Variants in TAFA2 observed in about 807,000 individuals in gnomAD.
The protein encoded by TAFA2 is TAFA chemokine like family member 2.
Under a neutral mutation model 18.8 loss-of-function variants are expected in TAFA2, and 7 were observed. The ratio of observed to expected loss-of-function variants is 0.37; its 90% CI spans 0.21 to 0.70. The LOEUF is 0.70. TAFA2 is among the 30% of genes least tolerant of loss of function. The probability of loss-of-function intolerance (pLI) is 0.53; values close to 1 mark genes in which losing one functional copy is unlikely to be tolerated. For synonymous variants in TAFA2, 60 were observed against 54.2 expected, an observed-to-expected ratio of 1.11 and a Z score of -0.47; for missense variants, 122 against 158.1, an observed-to-expected ratio of 0.77 and a Z score of 1.23.
intron 1 of TAFA2, among the ~76,000 whole-genome samples, chr12:61,904,741 C>A (rs767453328): frequency 1.3e-5 from 2 of 152,146 alleles, no homozygotes; most frequent in Non-Finnish European, 2.9e-5. Flanking sequence ...AATTTAGACT[C>A]ATTCCCTTTC....
At chr12:61,917,744 G>T (rs891457209) in intron 1 of TAFA2, among the ~76,000 whole-genome samples, 1 of 152,102 alleles carries the variant, frequency 6.6e-6, no homozygotes, top group Non-Finnish European at 1.5e-5. Context: ...CTGGGTAAAG[G>T]TCTACCAAAG....
chr12:62,028,839 A>G (rs1881376072), intron 1 of TAFA2, among the ~76,000 whole-genome samples: 1 of 152,172 alleles, frequency 6.6e-6, no homozygotes, highest in Admixed American at 6.6e-5. Context: ...ACCACCCAAA[A>G]GGACAAACTA....
Position 62,234,963 on chromosome 12 carries a change from G to A in TAFA2, c.-130+23800C>T, listed in dbSNP as rs537168833. 5.1e-5 allele frequency: 36 copies of A among 701,050 alleles called. No individual in the cohort carries two copies. The East Asian group carries it at 8.5e-4, about 17-fold the overall frequency. The allele number at this position is 701,050 out of a possible 1,614,324, so 43.4% of individuals were successfully genotyped here. A position where few individuals can be genotyped will look rare whatever the true frequency, so the allele number is the denominator to read the frequency against. The stretch of plus-strand genomic sequence containing the variant: ...CTGGGCCTCAGTGGAAGGCATGGTC[G>A]AGGCCAACAATGTTTCATCAGAAGG... On this transcript the variant is annotated intron_variant, in intron 1 of 5. Coordinates refer to the TAFA2 transcript ENST00000551619.
rs563914247 is a variant in TAFA2, at chr12:61,783,090, G to A, written c.107-28066C>T. ...TTTTCAACATACTTTTACATCAAAG[G>A]GTCAATAAGTTGTTTGAAAACTAGC... On this transcript the variant is annotated intron_variant, in intron 2 of 4. Transcript: ENST00000416284. Among the ~76,000 whole-genome samples, 5 of 151,512 alleles carry A rather than the reference G, an allele frequency of 3.3e-5. No individual in the cohort carries two copies. In the East Asian group the frequency reaches 5.9e-4, roughly 18 times the overall value.
chr12:62,210,244 T>C (rs530025811), intron 1 of TAFA2, among the ~76,000 whole-genome samples: 6 of 152,048 alleles, frequency 3.9e-5, no homozygotes, highest in Non-Finnish European at 7.4e-5. Context: ...TACAAATAGA[T>C]TATTTTCCCT....
intron 1 of TAFA2, among the ~76,000 whole-genome samples, chr12:62,201,174 G>A (rs961578102): frequency 2.0e-5 from 3 of 152,178 alleles, no homozygotes; most frequent in African/African-American, 7.2e-5. Flanking sequence ...ATAGGATCAT[G>A]TTATCTGCAA....
At chr12:61,857,760 C>T (rs1159243592) in intron 2 of TAFA2, among the ~76,000 whole-genome samples, 2 of 148,916 alleles carry the variant, frequency 1.3e-5, no homozygotes, top group Admixed American at 6.8e-5. Flanking sequence ...TGAAGGTTCA[C>T]CCCCTCCTTC....
At chr12:61,926,504 A>G (rs1877299348) in intron 1 of TAFA2, among the ~76,000 whole-genome samples, 1 of 152,202 alleles carries the variant, frequency 6.6e-6, no homozygotes, top group African/African-American at 2.4e-5. Flanking sequence ...CACCATGATC[A>G]ACTCAGCTTC....
chr12:61,871,458 A>G (rs989906898), intron 1 of TAFA2, among the ~76,000 whole-genome samples: 2 of 152,242 alleles, frequency 1.3e-5, no homozygotes, highest in African/African-American at 2.4e-5. Flanking sequence ...GAACTGCCAC[A>G]TTCATTTGTG....
chr12:61,743,175 A>G (rs747676770), intron 4 of TAFA2, among the ~76,000 whole-genome samples: 2 of 152,082 alleles, frequency 1.3e-5, no homozygotes, highest in Non-Finnish European at 2.9e-5. Context: ...TGAGTAAGAT[A>G]TGATCTTCTA....
intron 1 of TAFA2, among the ~76,000 whole-genome samples, chr12:62,240,003 G>A (rs2062854883): frequency 6.6e-6 from 1 of 151,824 alleles, no homozygotes; most frequent in Non-Finnish European, 1.5e-5. Flanking sequence ...AAGAAGGACA[G>A]AGAAAGAGTA....
Position 62,007,155 on chromosome 12 carries a change from CAT to C in TAFA2, c.-1-139731_-1-139730del, listed in dbSNP as rs1296430757. ...CACTGACCGCTTCCTATTCCTGGAG[CAT>C]GCTGAGCATGTCATCTCCCAGGGGC... On this transcript the variant is annotated intron_variant, in intron 1 of 4. Coordinates refer to ENST00000416284, the MANE Select transcript of TAFA2 (RefSeq NM_178539.5). Among the ~76,000 whole-genome samples the C allele has an allele frequency of 4.6e-4, 70 of 152,206 alleles. 1 individual carries two copies. The highest frequency in any genetic ancestry group is 1.3e-3 in the African/African-American group (54 of 41,536).
intron 4 of TAFA2, among the ~76,000 whole-genome samples, chr12:61,723,903 C>A (rs997324228): frequency 6.6e-6 from 1 of 152,074 alleles, no homozygotes; most frequent in Admixed American, 6.6e-5. Context: ...AAATTCTTCT[C>A]ATGAAATATT....
intron 2 of TAFA2, among the ~76,000 whole-genome samples, chr12:61,854,662 C>T (rs955627168): frequency 1.3e-5 from 2 of 151,982 alleles, no homozygotes; most frequent in African/African-American, 4.8e-5. Context: ...AGCAACAGTA[C>T]AGTGAGAAAA....
chr12:62,082,135 A>G (rs1868334799), intron 1 of TAFA2, among the ~76,000 whole-genome samples: 3 of 152,138 alleles, frequency 2.0e-5, no homozygotes, highest in South Asian at 2.1e-4. Flanking sequence ...ATTCCTTTTT[A>G]TGGCTGCCTA....
intron 1 of TAFA2, among the ~76,000 whole-genome samples, chr12:61,895,237 T>A (rs947367920): frequency 1.3e-5 from 2 of 152,200 alleles, no homozygotes; most frequent in Non-Finnish European, 2.9e-5. Context: ...CATAAATATA[T>A]GTTTTATATC....
chr12:61,794,584 G>A (rs181081903), intron 2 of TAFA2, among the ~76,000 whole-genome samples: 67 of 151,992 alleles, frequency 4.4e-4, no homozygotes, highest in Non-Finnish European at 8.1e-4. Flanking sequence ...TTATGATTTC[G>A]ATTCACCGTG....
At chr12:62,125,473 G>C (rs375186705) in intron 1 of TAFA2, among the ~76,000 whole-genome samples, 1 of 152,080 alleles carries the variant, frequency 6.6e-6, no homozygotes, top group Non-Finnish European at 1.5e-5. Flanking sequence ...TCATCTTACC[G>C]TCGTGAAGAA....
chr12:61,840,885 G>C (rs1873142954), intron 2 of TAFA2, among the ~76,000 whole-genome samples: 2 of 152,064 alleles, frequency 1.3e-5, no homozygotes, highest in African/African-American at 2.4e-5. Flanking sequence ...CCAACAGTTA[G>C]ATGCCAAAAA....
Sources: gnomAD v4.1 joint callset for allele counts (sites outside exome capture counted in the v4.1 genomes callset) on GRCh38, gnomAD v4.1.1 for gene constraint, MANE v1.5 for transcripts, NCBI Gene and HGNC (gene_info 2026-07-23, HGNC 2026-07-21) for gene names.